The following AGBL4 variants were observed in gnomAD, a reference collection of about 807,000 sequenced individuals.
AGBL4 encodes cytosolic carboxypeptidase 6.
A neutral mutation model predicts 66.4 loss-of-function variants in AGBL4; 58 were observed. The ratio of observed to expected loss-of-function variants is 0.87; its 90% confidence interval spans 0.71 to 1.09. The LOEUF (loss-of-function observed/expected upper bound fraction) is 1.09. Ranked by LOEUF, AGBL4 falls within the 50% of genes least tolerant of loss-of-function variation. The pLI, the probability that AGBL4 is intolerant of heterozygous loss-of-function variation, is 0.00. For missense variants in AGBL4, 579 were observed against 631.0 expected (o/e 0.92, Z 0.88); for synonymous variants, 234 against 222.9 (o/e 1.05, Z -0.44).
chr1:49,775,667 G>A (rs1007362950), intron 2 of AGBL4, among the ~76,000 whole-genome samples: 3 of 151,800 alleles, frequency 2.0e-5, no homozygotes, highest in Non-Finnish European at 4.4e-5. Flanking sequence ...GCTCCTTGAG[G>A]GCAAGGACTA....
intron 2 of AGBL4, among the ~76,000 whole-genome samples, chr1:49,758,003 T>A (rs938271026): frequency 6.6e-6 from 1 of 152,140 alleles, no homozygotes; most frequent in Non-Finnish European, 1.5e-5. Flanking sequence ...AATGGTTTCA[T>A]TGGCCAGGCC....
At chr1:49,744,623 A>C (rs1011693887) in intron 2 of AGBL4, among the ~76,000 whole-genome samples, 1 of 152,178 alleles carries the variant, frequency 6.6e-6, no homozygotes, top group Non-Finnish European at 1.5e-5. Flanking sequence ...AATACAGAGC[A>C]TCAGCAAAAA....
intron 4 of AGBL4, among the ~76,000 whole-genome samples, chr1:49,089,430 C>T (rs1322619028): frequency 6.6e-6 from 1 of 151,996 alleles, no homozygotes; most frequent in Non-Finnish European, 1.5e-5. Context: ...TACCACTGAC[C>T]TTACAGAAAT....
chr1:49,930,652 T>C (rs1200043542), intron 1 of AGBL4, among the ~76,000 whole-genome samples: 1 of 152,040 alleles, frequency 6.6e-6, no homozygotes, highest in African/African-American at 2.4e-5. Flanking sequence ...AATCATCAAA[T>C]TAACATACCA....
chr1:49,883,274 T>C (rs1383890785), intron 1 of AGBL4, among the ~76,000 whole-genome samples: 2 of 152,116 alleles, frequency 1.3e-5, no homozygotes, highest in African/African-American at 4.8e-5. Flanking sequence ...ATGGTTTCTA[T>C]TTGCCTGGAT....
intron 3 of AGBL4, among the ~76,000 whole-genome samples, chr1:49,421,882 G>A (rs899017395): frequency 5.3e-5 from 8 of 151,970 alleles, no homozygotes; most frequent in South Asian, 4.1e-4. Context: ...CCTAAGCACC[G>A]TTTGACGCCC....
rs540615063 is a variant in AGBL4 at position 49,483,671 on chromosome 1, C to T, written c.282+213642G>A. Among the ~76,000 whole-genome samples, 11 of 151,986 alleles carry T rather than the reference C, an allele frequency of 7.2e-5. No individual in the cohort carries two copies. The South Asian group carries it at 2.1e-3, about 29-fold the overall frequency. ...TACAAAACACATTGAGGAACCTCTC[C>T]AGGACATAGAACTGGGCAAAGGTTT... On this transcript the variant is annotated intron_variant, in intron 3 of 13. Transcript: ENST00000371839.
intron 11 of AGBL4, among the ~76,000 whole-genome samples, chr1:48,547,194 C>T (rs1236895037): frequency 1.3e-5 from 2 of 152,010 alleles, no homozygotes; most frequent in Non-Finnish European, 1.5e-5. Flanking sequence ...GAGTTTGAAG[C>T]AGGAAAATGA....
rs1659124909 is a variant in AGBL4, at chr1:49,982,352, C to T, written c.34+41411G>A. ...GTGGGAGCTTTGTGCTCCCTGTGCA[C>T]AGCTGGGTATGTGCATGCTCAGGGC... On this transcript the variant is annotated intron_variant, in intron 1 of 13. Coordinates refer to ENST00000371839, the MANE Select transcript of AGBL4 (RefSeq NM_032785.4). Among the ~76,000 whole-genome samples, 3 of 152,240 alleles carry T rather than the reference C, an allele frequency of 2.0e-5. No homozygotes were observed. In the South Asian group the frequency reaches 6.2e-4, roughly 32 times the overall value.
chr1:49,112,512 G>A (rs919018518), intron 4 of AGBL4, among the ~76,000 whole-genome samples: 3 of 152,136 alleles, frequency 2.0e-5, no homozygotes, highest in African/African-American at 7.2e-5. Context: ...AACTTTCTCT[G>A]TAGCATGCGA....
intron 3 of AGBL4, among the ~76,000 whole-genome samples, chr1:49,352,627 C>A (rs1557863115): frequency 6.6e-6 from 1 of 151,968 alleles, no homozygotes; most frequent in South Asian, 2.1e-4. Flanking sequence ...CCTCTGGAGA[C>A]AGTGGCTTGA....
At chr1:48,524,527 G>A in the AGBL4 span, among the ~76,000 whole-genome samples, 5 of 152,130 alleles carry the variant, frequency 3.3e-5, no homozygotes, top group Admixed American at 3.3e-4. Flanking sequence ...CACAGTCCCT[G>A]GGAGGCTGGG....
At chr1:49,214,337 A>G (rs1208608340) in intron 4 of AGBL4, among the ~76,000 whole-genome samples, 1 of 152,142 alleles carries the variant, frequency 6.6e-6, no homozygotes. Flanking sequence ...TTGGAGCAGA[A>G]TTTTGTCCTA....
chr1:49,505,134 C>T lies in AGBL4; in HGVS notation c.282+192179G>A, dbSNP rs562108405. 3.3e-5 allele frequency among the ~76,000 whole-genome samples: 5 copies of T among 152,134 alleles called. No individual in the cohort carries two copies. The East Asian group carries it at 7.7e-4, about 24-fold the overall frequency. On this transcript the variant is annotated intron_variant, in intron 3 of 13. Transcript: ENST00000371839. ...TGAAATAACTACACTTTCACTCCAA[C>T]TCCCATTTTATGTTTTTGATTTCAC...
At chr1:49,241,333 A>C (rs1325381197) in intron 4 of AGBL4, among the ~76,000 whole-genome samples, 2 of 151,994 alleles carry the variant, frequency 1.3e-5, no homozygotes, top group Non-Finnish European at 1.5e-5. Context: ...TTCTCCTCAG[A>C]ATTTAATGCT....
chr1:49,701,488 T>C (rs1026973659), intron 2 of AGBL4, among the ~76,000 whole-genome samples: 1 of 152,054 alleles, frequency 6.6e-6, no homozygotes, highest in African/African-American at 2.4e-5. Flanking sequence ...TCCAAACTCA[T>C]CAAATTGTAT....
intron 2 of AGBL4, among the ~76,000 whole-genome samples, chr1:49,820,713 A>T (rs1360252189): frequency 5.3e-5 from 8 of 152,148 alleles, no homozygotes; most frequent in African/African-American, 9.7e-5. Context: ...TTGTACTTCA[A>T]CTTGGAAATG....
At chr1:48,606,278 G>T (rs902080432) in intron 9 of AGBL4, among the ~76,000 whole-genome samples, 1 of 152,016 alleles carries the variant, frequency 6.6e-6, no homozygotes, top group African/African-American at 2.4e-5. Context: ...GTATTCTCTG[G>T]AGGACATGCT....
At chr1:49,702,866 C>A (rs1647126121) in intron 2 of AGBL4, among the ~76,000 whole-genome samples, 1 of 151,844 alleles carries the variant, frequency 6.6e-6, no homozygotes, top group Non-Finnish European at 1.5e-5. Context: ...CTAATAGATG[C>A]ATAAAAAAAA....
Sources: allele counts gnomAD v4.1 joint callset (sites outside exome capture counted in the v4.1 genomes callset), GRCh38; gene constraint gnomAD v4.1.1; transcripts MANE v1.5; gene names NCBI Gene and HGNC (gene_info 2026-07-23, HGNC 2026-07-21).